The following COL1A2 variants were observed in gnomAD, a reference collection of about 807,000 sequenced individuals.
The protein encoded by COL1A2 is collagen alpha-2(I) chain.
COL1A2 carries 49 observed loss-of-function variants against 174.3 expected under a neutral mutation model. That is an observed-to-expected ratio of 0.28 (90% CI 0.22 to 0.36). The LOEUF is 0.36. Ranked by LOEUF, COL1A2 falls within the 10% of genes least tolerant of loss-of-function variation. The pLI, the probability that COL1A2 is intolerant of heterozygous loss-of-function variation, is 1.00. For missense variants in COL1A2, 1,438 were observed against 1,822.7 expected, an observed-to-expected ratio of 0.79 and a Z score of 3.84; for synonymous variants, 655 against 606.6, an observed-to-expected ratio of 1.08 and a Z score of -1.17.
chr7:94,430,190 A>G, intron 51 of COL1A2, 57 bp from the exon 52 acceptor site: 1 of 1,534,870 alleles, frequency 6.5e-7, no homozygotes, highest in Non-Finnish European at 9.0e-7. Flanking sequence ...AGGTTCAGAT[A>G]TTATCAGATT....
chr7:94,396,247 C>G (rs981809613), intron 1 of COL1A2, among the ~76,000 whole-genome samples: 2 of 151,954 alleles, frequency 1.3e-5, no homozygotes, highest in Non-Finnish European at 2.9e-5. Flanking sequence ...ACCCAGTACT[C>G]CAAAAAGTTG....
chr7:94,405,324 A>G lies in COL1A2; in HGVS notation c.486+72A>G, dbSNP rs374168567. ...AAGATAGTTGCTAAAACTAGCATCAATCTAAATGACAACATAGATGTCACC... is the reference window on the plus strand; with the variant it reads ...AAGATAGTTGCTAAAACTAGCATCAGTCTAAATGACAACATAGATGTCACC... On this transcript the variant is annotated intron_variant, in intron 10 of 51. Coordinates refer to ENST00000297268, the MANE Select transcript of COL1A2 (RefSeq NM_000089.4). 12 of 1,408,218 alleles carry G rather than the reference A, an allele frequency of 8.5e-6. No homozygotes were observed. In the African/African-American group the frequency reaches 9.9e-5, roughly 12 times the overall value. The allele number at this position is 1,408,218 out of a possible 1,614,324, so 87.2% of individuals were successfully genotyped here.
At position 94,429,264 on chromosome 7, in the gene COL1A2, A is replaced by C; in HGVS notation, c.3788A>C (p.Tyr1263Ser). The change falls in exon 51 of 52, where the codon TAT (tyrosine) becomes TCT (serine). Residue 1263 changes from tyrosine to serine, a missense_variant. Transcript: ENST00000297268. Reference protein sequence around the residue: ...QLAFMRLLANYASQNITYHCK... With the variant: ...QLAFMRLLANSASQNITYHCK... ...GCCTTCATGCGCCTGCTGGCCAACT[A>C]TGCCTCTCAGAACATCACCTACCAC... 1 of 1,614,020 alleles carries C rather than the reference A, an allele frequency of 6.2e-7. No homozygotes were observed. The highest frequency in any genetic ancestry group is 8.5e-7 in the Non-Finnish European group (1 of 1,179,972).
chr7:94,402,488 G>A (rs1791706449), intron 6 of COL1A2, among the ~76,000 whole-genome samples: 1 of 152,014 alleles, frequency 6.6e-6, no homozygotes, highest in Admixed American at 6.6e-5. Flanking sequence ...TATCAGTGGA[G>A]CACCGCTTAG....
At chr7:94,429,970 A>G in intron 51 of COL1A2, 1 of 480,628 alleles carries the variant, frequency 2.1e-6, no homozygotes, top group Admixed American at 3.3e-5. Flanking sequence ...CAATCCTAAA[A>G]ATGACTTTGT....
intron 39 of COL1A2, 114 bp downstream of exon 39, chr7:94,422,066 C>A: frequency 1.2e-6 from 1 of 804,316 alleles, no homozygotes; most frequent in Non-Finnish European, 2.0e-6. Flanking sequence ...TTCGCTATTA[C>A]TCTCCTGGTC....
At chr7:94,427,365 A>C in intron 48 of COL1A2, 70 bp downstream of exon 48, 2 of 1,434,966 alleles carry the variant, frequency 1.4e-6, no homozygotes, top group South Asian at 2.4e-5. Context: ...GACTAAACCA[A>C]GACAACTTTG....
At chr7:94,411,560 G>GTA (rs1364277169) in intron 23 of COL1A2, among the ~76,000 whole-genome samples, 1 of 152,108 alleles carries the variant, frequency 6.6e-6, no homozygotes, top group Non-Finnish European at 1.5e-5. Context: ...GTGCTGTAAT[G>GTA]TATTCAGCAT....
chr7:94,409,527 A>G (rs1170396210), intron 17 of COL1A2, 37 bp from the exon 18 acceptor site: 1 of 1,613,856 alleles, frequency 6.2e-7, no homozygotes, highest in African/African-American at 1.3e-5. Context: ...AAATATTCCA[A>G]TTAACTGATA....
At chr7:94,409,539 CCTT>C (rs1290472399) in intron 17 of COL1A2, 22 bp from the exon 18 acceptor site, 1 of 1,613,960 alleles carries the variant, frequency 6.2e-7, no homozygotes, top group African/African-American at 1.3e-5. Context: ...TAACTGATAT[CCTT>C]CTCCTTTCCT....
chr7:94,412,095 G>T lies in COL1A2; in HGVS notation c.1378G>T (p.Gly460Cys). ...RGLPGSPGNI[G>C]PAGKEGPVGL... Reference sequence around the variant, plus strand: ...TCTTCCTGGTTCCCCTGGAAATATCGGCCCCGCTGGAAAAGAAGGTCCTGT... The same window carrying T: ...TCTTCCTGGTTCCCCTGGAAATATCTGCCCCGCTGGAAAAGAAGGTCCTGT... Residue 460 changes from glycine (G) to cysteine (C), a missense_variant, in exon 24 of 52, where the codon GGC (glycine) becomes TGC (cysteine). Coordinates refer to ENST00000297268, the MANE Select transcript of COL1A2 (RefSeq NM_000089.4). 6.2e-7 allele frequency: 1 copy of T among 1,612,654 alleles called. No homozygotes were observed. Among genetic ancestry groups the T allele is most frequent in the Non-Finnish European group, 8.5e-7 (1 of 1,179,224 alleles).
intron 9 of COL1A2, 33 bp from the exon 10 acceptor site, chr7:94,405,166 A>C (rs1791769636): frequency 6.2e-7 from 1 of 1,611,786 alleles, no homozygotes. Flanking sequence ...GTTTACCAAG[A>C]AGAAGTTGAC....
chr7:94,422,756 T>C, intron 39 of COL1A2: 1 of 646,026 alleles, frequency 1.5e-6, no homozygotes, highest in Non-Finnish European at 2.7e-6. Flanking sequence ...ATTTGGTTGG[T>C]TACAGCCTCA....
chr7:94,405,101 T>G, intron 9 of COL1A2, 98 bp from the exon 10 acceptor site: 1 of 1,264,710 alleles, frequency 7.9e-7, no homozygotes, highest in Non-Finnish European at 1.1e-6. Flanking sequence ...CATATTTTTA[T>G]GTGATAACTT....
intron 16 of COL1A2, among the ~76,000 whole-genome samples, 183 bp downstream of exon 16, chr7:94,409,006 T>C (rs556031029): frequency 6.6e-6 from 1 of 152,328 alleles, no homozygotes; most frequent in East Asian, 1.9e-4. Context: ...ATCATTTCTC[T>C]GCACTGTGCA....
At position 94,427,450 on chromosome 7, in the gene COL1A2, G is replaced by C. The variant is rs978128848; in HGVS notation, c.3267+155G>C. 6 of 1,038,310 alleles carry C rather than the reference G, an allele frequency of 5.8e-6. No homozygotes were observed. The African/African-American group carries it at 7.9e-5, about 14-fold the overall frequency. 64.3% of individuals were successfully genotyped at this position (1,038,310 alleles called of 1,614,324 possible). A position where few individuals can be genotyped will look rare whatever the true frequency, so the allele number is the denominator to read the frequency against. On this transcript the variant is annotated intron_variant, in intron 48 of 51. Transcript: ENST00000297268. Reference sequence around the variant, plus strand: ...GAAATTGTCTATATGCAATGGGCTTGTTAAGTCCATCCCTGCAAGTGTGCC... The same window carrying C: ...GAAATTGTCTATATGCAATGGGCTTCTTAAGTCCATCCCTGCAAGTGTGCC...
rs1791759808 is a variant in COL1A2, at chr7:94,404,736, C to A, written c.368C>A (p.Pro123His). 14 of 1,614,080 alleles carry A rather than the reference C, an allele frequency of 8.7e-6. No individual in the cohort carries two copies. Among genetic ancestry groups the A allele is most frequent in the Non-Finnish European group, 1.2e-5 (14 of 1,180,002 alleles). Residue 123 changes from proline to histidine, a missense_variant, in exon 8 of 52, where the codon CCT becomes CAT. By Grantham distance (77) the Pro-to-His change is moderately conservative. Around this residue, in one of 3 missense-constraint regions of COL1A2, gnomAD observed 281 missense variants for 310.9 expected, o/e 0.90. Transcript: ENST00000297268. ...GGACCTGCTGGTGAGCCTGGTGAAC[C>A]TGGTCAAACTGTGAGTACATTTTTC... ...FQGPAGEPGEPGQTGPAGARG... is the reference protein window; with the variant it reads ...FQGPAGEPGEHGQTGPAGARG...
At position 94,427,042 on chromosome 7, in the gene COL1A2, T is replaced by G. The variant is rs1033662953; in HGVS notation, c.3140T>G (p.Val1047Gly). The G allele has an allele frequency of 3.1e-6, 5 of 1,614,106 alleles. No individual in the cohort carries two copies. In the Admixed American group the frequency reaches 8.3e-5, roughly 27 times the overall value. Residue 1047 changes from valine (V) to glycine (G), a missense_variant, in exon 47 of 52, where the codon GTG (valine) becomes GGG (glycine). By Grantham distance (109) the Val-to-Gly change is moderately radical (BLOSUM62 -3). Transcript: ENST00000297268. ...GGTGATCAAGGTGCTCCTGGCTCCG[T>G]GGGTCCTGCTGGTCCTAGGGTAGGT... The part of the protein sequence containing the change: ...HHGDQGAPGS[V>G]GPAGPRGPAG...
At chr7:94,400,670 C>T (rs3814967) in intron 5 of COL1A2, among the ~76,000 whole-genome samples, 18,430 of 152,138 alleles carry the variant, frequency 0.12, 2,757 homozygotes, top group East Asian at 0.35. Flanking sequence ...TTTTTATTCT[C>T]CTTGACTTGA....
Sources: gnomAD v4.1 joint callset for allele counts (sites outside exome capture counted in the v4.1 genomes callset) on GRCh38, gnomAD v4.1.1 for gene constraint, gnomAD v4.1.1 regional missense constraint, MANE v1.5 for transcripts, NCBI Gene and HGNC (gene_info 2026-07-23, HGNC 2026-07-21) for gene names.